The following GHR variants were observed in gnomAD, a reference collection of about 807,000 sequenced individuals.
GHR encodes GH receptor.
A neutral mutation model predicts 67.1 loss-of-function variants in GHR; 35 were observed. That is an observed-to-expected ratio of 0.52 (90% CI 0.40 to 0.69). GHR has a LOEUF of 0.69. Ranked by LOEUF, GHR falls within the 30% of genes least tolerant of loss-of-function variation. The probability of loss-of-function intolerance (pLI) is 0.00; values close to 1 mark genes in which losing one functional copy is unlikely to be tolerated. For synonymous variants in GHR, 272 were observed against 269.1 expected (o/e 1.01, Z -0.10); for missense variants, 792 against 764.6 (o/e 1.04, Z -0.42).
At chr5:42,511,750 T>A (rs1747027706) in intron 1 of GHR, among the ~76,000 whole-genome samples, 1 of 152,176 alleles carries the variant, frequency 6.6e-6, no homozygotes, top group Admixed American at 6.5e-5. Flanking sequence ...CCTGGTTTTA[T>A]GTCTTCCTTA....
intron 1 of GHR, among the ~76,000 whole-genome samples, chr5:42,481,756 G>C (rs1185316955): frequency 3.3e-5 from 5 of 152,118 alleles, no homozygotes; most frequent in Admixed American, 1.3e-4. Context: ...GGACTTCTCT[G>C]CATTGGTTAT....
chr5:42,633,546 C>T (rs1259162753), intron 3 of GHR, among the ~76,000 whole-genome samples: 1 of 152,062 alleles, frequency 6.6e-6, no homozygotes, highest in Non-Finnish European at 1.5e-5. Flanking sequence ...GGACTCTTGT[C>T]CTAGCTTCCT....
intron 2 of GHR, among the ~76,000 whole-genome samples, chr5:42,607,265 G>A (rs1752673840): frequency 6.6e-6 from 1 of 152,150 alleles, no homozygotes. Flanking sequence ...CTAGCAGGGT[G>A]AAAACAGAAT....
At chr5:42,588,459 G>T (rs1751598935) in intron 2 of GHR, among the ~76,000 whole-genome samples, 1 of 141,884 alleles carries the variant, frequency 7.0e-6, no homozygotes, top group Non-Finnish European at 1.5e-5. Flanking sequence ...GGCAGAGGTT[G>T]CTGTGAGCGA....
chr5:42,546,098 G>T (rs1243801684), intron 1 of GHR, among the ~76,000 whole-genome samples: 1 of 152,108 alleles, frequency 6.6e-6, no homozygotes, highest in African/African-American at 2.4e-5. Context: ...ATGTGTTCAG[G>T]TATATTTCCT....
intron 2 of GHR, among the ~76,000 whole-genome samples, chr5:42,579,029 A>G (rs532519676): frequency 1.7e-4 from 26 of 152,216 alleles, no homozygotes; most frequent in African/African-American, 6.0e-4. Flanking sequence ...TAAAAGAAAC[A>G]TTCAGGCTAT....
At chr5:42,490,894 TTAAC>T (rs148660921) in intron 1 of GHR, among the ~76,000 whole-genome samples, 14 of 152,356 alleles carry the variant, frequency 9.2e-5, no homozygotes, top group Non-Finnish European at 1.8e-4. Context: ...GTTTTAATAT[TTAAC>T]TAAGCCTAGC....
chr5:42,560,857 A>G (rs776828937), intron 1 of GHR, among the ~76,000 whole-genome samples: 2 of 152,142 alleles, frequency 1.3e-5, no homozygotes, highest in Non-Finnish European at 2.9e-5. Context: ...CTCATATCCA[A>G]TCATCACCAA....
chr5:42,475,200 C>T (rs1382894959), intron 1 of GHR, among the ~76,000 whole-genome samples: 1 of 152,040 alleles, frequency 6.6e-6, no homozygotes, highest in East Asian at 1.9e-4. Context: ...TTAACTATCC[C>T]TCCTGTGAAA....
chr5:42,496,705 C>A (rs957063866), intron 1 of GHR, among the ~76,000 whole-genome samples: 7 of 152,168 alleles, frequency 4.6e-5, no homozygotes, highest in Non-Finnish European at 5.9e-5. Flanking sequence ...CATTTACTCT[C>A]ATCTGTAATT....
At chr5:42,466,882 A>C (rs1255382553) in intron 1 of GHR, 1 of 1,462,196 alleles carries the variant, frequency 6.8e-7, no homozygotes, top group Non-Finnish European at 9.1e-7. Flanking sequence ...CCTCTTCCTT[A>C]CTTGTTGTTC....
intron 3 of GHR, among the ~76,000 whole-genome samples, chr5:42,664,725 A>G (rs530495766): frequency 6.6e-6 from 1 of 152,340 alleles, no homozygotes; most frequent in Non-Finnish European, 1.5e-5. Flanking sequence ...AATGGCAACA[A>G]AAGCAAAAAT....
chr5:42,625,970 T>C (rs1753680895), intron 2 of GHR, among the ~76,000 whole-genome samples: 1 of 150,918 alleles, frequency 6.6e-6, no homozygotes, highest in African/African-American at 2.4e-5. Context: ...CAGAGTCATA[T>C]TGAAAAGCAA....
At chr5:42,513,930 G>A (rs1054688176) in intron 1 of GHR, 2 of 168,864 alleles carry the variant, frequency 1.2e-5, no homozygotes, top group East Asian at 1.9e-4. Context: ...ACATTAATGG[G>A]TTAAATATAA....
At chr5:42,462,884 T>C (rs1744548391) in intron 1 of GHR, among the ~76,000 whole-genome samples, 1 of 152,142 alleles carries the variant, frequency 6.6e-6, no homozygotes. Flanking sequence ...TTAGTAATTA[T>C]ATTAAGATCT....
At chr5:42,467,549 T>C in intron 1 of GHR, 2 of 1,474,700 alleles carry the variant, frequency 1.4e-6, no homozygotes, top group African/African-American at 1.4e-5. Flanking sequence ...TTACTACGCC[T>C]AAAGGTTTTT....
chr5:42,597,201 G>T (rs1752114993), intron 2 of GHR, among the ~76,000 whole-genome samples: 1 of 152,154 alleles, frequency 6.6e-6, no homozygotes, highest in Non-Finnish European at 1.5e-5. Flanking sequence ...GAGTTTGGAA[G>T]CGAGGCACAG....
chr5:42,639,169 A>G (rs1218420241), intron 3 of GHR, among the ~76,000 whole-genome samples: 1 of 152,218 alleles, frequency 6.6e-6, no homozygotes, highest in Non-Finnish European at 1.5e-5. Context: ...TCATTATTGC[A>G]TAATATTTAT....
At chr5:42,678,570 A>G (rs925206030) in intron 3 of GHR, among the ~76,000 whole-genome samples, 1 of 152,208 alleles carries the variant, frequency 6.6e-6, no homozygotes, top group Non-Finnish European at 1.5e-5. Flanking sequence ...ATCTTATAAT[A>G]TGTCTTAGGA....
Sources: gnomAD v4.1 joint callset for allele counts (sites outside exome capture counted in the v4.1 genomes callset) on GRCh38, gnomAD v4.1.1 for gene constraint, MANE v1.5 for transcripts, NCBI Gene and HGNC (gene_info 2026-07-23, HGNC 2026-07-21) for gene names.